PRTFDC1: variants seen among roughly 807,000 people sequenced by gnomAD.
The protein encoded by PRTFDC1 is phosphoribosyltransferase domain-containing protein 1.
PRTFDC1 carries 38 observed loss-of-function variants against 34.6 expected under a neutral mutation model. The observed-to-expected ratio is 1.10, with a 90% CI of 0.85 to 1.44. PRTFDC1 has a LOEUF of 1.44. PRTFDC1 is among the 40% of genes most tolerant of loss of function. The pLI is 0.00. For synonymous variants in PRTFDC1, 93 were observed against 98.1 expected, an observed-to-expected ratio of 0.95 and a Z score of 0.31; for missense variants, 270 against 283.0, an observed-to-expected ratio of 0.95 and a Z score of 0.33.
chr10:24,933,533 A>C (rs1849000582), intron 3 of PRTFDC1, among the ~76,000 whole-genome samples: 1 of 152,194 alleles, frequency 6.6e-6, no homozygotes. Flanking sequence ...AAATTAAACC[A>C]CAATGTGATA....
intron 4 of PRTFDC1, among the ~76,000 whole-genome samples, chr10:24,862,555 A>G (rs1847698577): frequency 6.6e-6 from 1 of 151,856 alleles, no homozygotes. Context: ...TTGTATTTTT[A>G]GTAGAGATGG....
intron 3 of PRTFDC1, among the ~76,000 whole-genome samples, chr10:24,934,254 A>AAGG (rs1554765941): frequency 2.6e-3 from 122 of 46,720 alleles, no homozygotes; most frequent in African/African-American, 0.016. Context: ...GAAGGAGAAG[A>AAGG]AGAAGAAGAA....
At chr10:24,908,478 C>T (rs775786301) in intron 3 of PRTFDC1, 17 of 1,608,796 alleles carry the variant, frequency 1.1e-5, no homozygotes, top group Non-Finnish European at 1.4e-5. Flanking sequence ...CCAGGTGCTA[C>T]TGTACACCTC....
intron 3 of PRTFDC1, among the ~76,000 whole-genome samples, chr10:24,887,266 G>A (rs1056827493): frequency 5.3e-5 from 8 of 152,052 alleles, no homozygotes; most frequent in Admixed American, 1.3e-4. Flanking sequence ...CACCGCGCCC[G>A]GCCGTTAATA....
intron 3 of PRTFDC1, among the ~76,000 whole-genome samples, chr10:24,904,459 G>A (rs1276007651): frequency 1.3e-5 from 2 of 152,118 alleles, no homozygotes; most frequent in African/African-American, 2.4e-5. Context: ...TGTAAAGTAC[G>A]AAAGGGCTCC....
At chr10:24,932,995 G>T (rs1395009394) in intron 3 of PRTFDC1, among the ~76,000 whole-genome samples, 1 of 151,922 alleles carries the variant, frequency 6.6e-6, no homozygotes, top group East Asian at 1.9e-4. Flanking sequence ...AAGATCAAAA[G>T]CAACTCCATG....
chr10:24,920,225 C>T (rs937327568), intron 3 of PRTFDC1, among the ~76,000 whole-genome samples: 1 of 151,568 alleles, frequency 6.6e-6, no homozygotes, highest in Non-Finnish European at 1.5e-5. Context: ...TGGAATCAAC[C>T]CAAATGCCCA....
chr10:24,872,729 T>C, intron 3 of PRTFDC1, among the ~76,000 whole-genome samples: 1 of 147,118 alleles, frequency 6.8e-6, no homozygotes, highest in African/African-American at 2.5e-5. Flanking sequence ...ACACAAAATA[T>C]ATATATATAT....
chr10:24,876,148 G>A (rs1032634173), intron 3 of PRTFDC1, among the ~76,000 whole-genome samples: 3 of 152,124 alleles, frequency 2.0e-5, no homozygotes, highest in Non-Finnish European at 4.4e-5. Flanking sequence ...GGGAGGCTGA[G>A]GCAGGAGGAT....
chr10:24,862,815 A>T (rs1442763928), intron 4 of PRTFDC1, among the ~76,000 whole-genome samples: 1 of 152,150 alleles, frequency 6.6e-6, no homozygotes, highest in Non-Finnish European at 1.5e-5. Context: ...AATATTTCAA[A>T]TACTTTCATT....
intron 3 of PRTFDC1, among the ~76,000 whole-genome samples, chr10:24,912,815 T>A (rs1270312877): frequency 6.6e-6 from 1 of 152,114 alleles, no homozygotes; most frequent in African/African-American, 2.4e-5. Context: ...CCGTGATCCA[T>A]CAGCTCTCAC....
At chr10:24,880,087 A>G (rs538915691) in intron 3 of PRTFDC1, among the ~76,000 whole-genome samples, 1 of 152,308 alleles carries the variant, frequency 6.6e-6, no homozygotes, top group African/African-American at 2.4e-5. Context: ...TTCCTTATGA[A>G]TAAAAAGAGT....
At chr10:24,949,718 TA>T (rs1849307019) in intron 1 of PRTFDC1, among the ~76,000 whole-genome samples, 6 of 133,182 alleles carry the variant, frequency 4.5e-5, no homozygotes, top group African/African-American at 2.0e-4. Flanking sequence ...TTTTTTTGTT[TA>T]TTTATTTATT....
At chr10:24,923,278 A>G (rs1423735861) in intron 3 of PRTFDC1, among the ~76,000 whole-genome samples, 4 of 152,240 alleles carry the variant, frequency 2.6e-5, no homozygotes, top group Non-Finnish European at 5.9e-5. Flanking sequence ...CCCGTCTGAT[A>G]GCTCTGAAGA....
intron 3 of PRTFDC1, among the ~76,000 whole-genome samples, chr10:24,892,912 G>C (rs1848289767): frequency 6.6e-6 from 1 of 152,146 alleles, no homozygotes; most frequent in Non-Finnish European, 1.5e-5. Flanking sequence ...TAAAATGTTT[G>C]ATTTTTATCA....
At chr10:24,908,858 C>A in intron 3 of PRTFDC1, 1 of 1,033,484 alleles carries the variant, frequency 9.7e-7, no homozygotes, top group Non-Finnish European at 1.3e-6. Flanking sequence ...TCAAGAAAAC[C>A]AGAAGACCTC....
At chr10:24,912,906 C>T (rs1384423198) in intron 3 of PRTFDC1, among the ~76,000 whole-genome samples, 1 of 152,108 alleles carries the variant, frequency 6.6e-6, no homozygotes, top group African/African-American at 2.4e-5. Flanking sequence ...AGCCTTTTAA[C>T]CCTTAAATCA....
At chr10:24,894,682 A>G (rs1017668379) in intron 3 of PRTFDC1, among the ~76,000 whole-genome samples, 1 of 152,232 alleles carries the variant, frequency 6.6e-6, no homozygotes. Flanking sequence ...TATGGAAGAC[A>G]TCACTTAAAA....
At chr10:24,891,850 C>T (rs970338164) in intron 3 of PRTFDC1, among the ~76,000 whole-genome samples, 3 of 152,148 alleles carry the variant, frequency 2.0e-5, no homozygotes, top group Admixed American at 6.5e-5. Context: ...CCTTGCAAGA[C>T]AGAGATAAAT....
Sources: gnomAD v4.1 joint callset for allele counts (sites outside exome capture counted in the v4.1 genomes callset) on GRCh38, gnomAD v4.1.1 for gene constraint, MANE v1.5 for transcripts, NCBI Gene and HGNC (gene_info 2026-07-23, HGNC 2026-07-21) for gene names.